The following TIPARP variants were observed in gnomAD, a reference collection of about 807,000 sequenced individuals.
The protein encoded by TIPARP is protein mono-ADP-ribosyltransferase TIPARP.
TIPARP carries 12 observed loss-of-function variants against 56.5 expected under a neutral mutation model. The ratio of observed to expected loss-of-function variants is 0.21; its 90% CI spans 0.14 to 0.34. The LOEUF is 0.34. Ranked by LOEUF, TIPARP falls within the 10% of genes least tolerant of loss-of-function variation. The pLI, the probability that TIPARP is intolerant of heterozygous loss-of-function variation, is 1.00. For missense variants in TIPARP, 604 were observed against 781.6 expected (o/e 0.77, Z 2.71); for synonymous variants, 296 against 265.7 (o/e 1.11, Z -1.11).
chr3:156,676,835 C>T (rs1442727448), intron 1 of TIPARP: 4 of 151,624 alleles, frequency 2.6e-5, no homozygotes, highest in African/African-American at 9.7e-5. Flanking sequence ...TATAGTATGC[C>T]TTCATTTGCT....
intron 5 of TIPARP, 112 bp downstream of exon 5, chr3:156,703,814 C>T: frequency 4.4e-6 from 5 of 1,140,040 alleles, no homozygotes; most frequent in Non-Finnish European, 6.1e-6. Context: ...GAGATCGAGA[C>T]CATCCTAGCT....
At chr3:156,685,850 G>C (rs1320712078) in intron 2 of TIPARP, among the ~76,000 whole-genome samples, 1 of 152,202 alleles carries the variant, frequency 6.6e-6, no homozygotes, top group Non-Finnish European at 1.5e-5. Flanking sequence ...AGTAGTGCAT[G>C]TGCTTTCAGA....
At chr3:156,684,616 G>A (rs1288346982) in intron 2 of TIPARP, among the ~76,000 whole-genome samples, 1 of 152,112 alleles carries the variant, frequency 6.6e-6, no homozygotes. Context: ...TATTTTAGTA[G>A]AGACAGGGTT....
chr3:156,688,318 G>A lies in TIPARP; in HGVS notation c.918-5702G>A, dbSNP rs980677185. ...TTAAGCAAGGGAGTTTGAGGTGGCA[G>A]TGAGCCTAGTTGGCACTATTGTACT... On this transcript the variant is annotated intron_variant, in intron 2 of 5. Transcript: ENST00000295924. Among the ~76,000 whole-genome samples the A allele has an allele frequency of 1.2e-4, 18 of 148,830 alleles. No homozygotes were observed. In the East Asian group the frequency reaches 3.4e-3, roughly 28 times the overall value.
chr3:156,691,895 T>G (rs1260484727), intron 2 of TIPARP, among the ~76,000 whole-genome samples: 2 of 152,180 alleles, frequency 1.3e-5, no homozygotes, highest in Non-Finnish European at 2.9e-5. Flanking sequence ...AACTTCATAA[T>G]GCCCAAAGGA....
At chr3:156,692,444 AAC>A (rs1722599191) in intron 2 of TIPARP, among the ~76,000 whole-genome samples, 1 of 152,124 alleles carries the variant, frequency 6.6e-6, no homozygotes, top group Non-Finnish European at 1.5e-5. Context: ...ATCATTTTAA[AAC>A]AGTGGCCAAA....
Position 156,696,038 on chromosome 3 carries a change from T to C in TIPARP, c.1247+13T>C. The C allele has an allele frequency of 5.0e-6, 8 of 1,599,684 alleles. No individual in the cohort carries two copies. Among genetic ancestry groups the C allele is most frequent in the Non-Finnish European group, 6.8e-6 (8 of 1,176,094 alleles). ...TTCCATATTTACAGTAAGTGTCGAG[T>C]ATGAAGTTGCAATATTTACTCTCAT... On this transcript the variant is annotated intron_variant, in intron 4 of 5. Coordinates refer to ENST00000295924, the MANE Select transcript of TIPARP (RefSeq NM_015508.5).
At chr3:156,684,559 G>A (rs1314796836) in intron 2 of TIPARP, among the ~76,000 whole-genome samples, 3 of 152,122 alleles carry the variant, frequency 2.0e-5, no homozygotes, top group African/African-American at 7.2e-5. Context: ...CAGCCTTCCT[G>A]AGTAGCTGAG....
chr3:156,675,089 C>G (rs1009883927), intron 1 of TIPARP: 1 of 152,284 alleles, frequency 6.6e-6, no homozygotes, highest in Non-Finnish European at 1.5e-5. Context: ...GCCCCTTCCC[C>G]GTTCGTCAGG....
In TIPARP at chr3:156,687,613, A is replaced by C. The variant is rs115556934; in HGVS notation, c.918-6407A>C. Among the ~76,000 whole-genome samples, 846 of 152,290 alleles carry C rather than the reference A, an allele frequency of 5.6e-3. 13 individuals are homozygous for C. The highest frequency in any genetic ancestry group is 0.02 in the African/African-American group (821 of 41,558). On this transcript the variant is annotated intron_variant, in intron 2 of 5. Transcript: ENST00000295924. ...TGTATTCAAATGGCTATGTCTTAGT[A>C]TCAGTGTGTTTTGAGAATAAACTGT...
chr3:156,688,468 TAA>T (rs1450403959), intron 2 of TIPARP, among the ~76,000 whole-genome samples: 1 of 125,328 alleles, frequency 8.0e-6, no homozygotes, highest in Non-Finnish European at 1.7e-5. Context: ...CATTTATGAA[TAA>T]GTTTTATTGC....
intron 2 of TIPARP, among the ~76,000 whole-genome samples, chr3:156,690,972 C>T (rs987971332): frequency 6.6e-6 from 1 of 152,126 alleles, no homozygotes; most frequent in Non-Finnish European, 1.5e-5. Context: ...AACCTTATAT[C>T]TTAAGGCTCT....
At chr3:156,703,333 A>C (rs1023939321) in intron 4 of TIPARP, 91 bp from the exon 5 acceptor site, 1 of 1,308,374 alleles carries the variant, frequency 7.6e-7, no homozygotes, top group African/African-American at 1.5e-5. Context: ...ACAGATTATA[A>C]TATTAAGTAG....
chr3:156,695,202 T>TTTTA (rs58864139), intron 3 of TIPARP, among the ~76,000 whole-genome samples: 84 of 147,026 alleles, frequency 5.7e-4, no homozygotes, highest in East Asian at 1.8e-3. Context: ...CCTTTTCAAA[T>TTTTA]TTTATTTATT....
intron 1 of TIPARP, chr3:156,675,490 T>C (rs1361048175): frequency 6.6e-6 from 1 of 152,348 alleles, no homozygotes; most frequent in Non-Finnish European, 1.5e-5. Context: ...CGAAGGAGGC[T>C]GGACAGGAGT....
At chr3:156,701,170 A>G (rs772482383) in intron 4 of TIPARP, among the ~76,000 whole-genome samples, 2 of 152,218 alleles carry the variant, frequency 1.3e-5, no homozygotes, top group Non-Finnish European at 2.9e-5. Context: ...GTCCAGTTTA[A>G]TATCTTAGAA....
chr3:156,688,482 G>C lies in TIPARP; in HGVS notation c.918-5538G>C, dbSNP rs866782978. 3.1e-3 allele frequency among the ~76,000 whole-genome samples: 433 copies of C among 140,196 alleles called. 3 individuals carry two copies. The highest frequency in any genetic ancestry group is 0.01 in the South Asian group (43 of 4,278). 92.0% of individuals were successfully genotyped at this position (140,196 alleles called of 152,430 possible). A position where few individuals can be genotyped will look rare whatever the true frequency, so the allele number is the denominator to read the frequency against. ...GCATTTATGAATAAGTTTTATTGCCGCCCCCCCCCGCAATAAGTAGCCCTG... is the reference window on the plus strand; with the variant it reads ...GCATTTATGAATAAGTTTTATTGCCCCCCCCCCCCGCAATAAGTAGCCCTG... On this transcript the variant is annotated intron_variant, in intron 2 of 5. Coordinates refer to ENST00000295924, the MANE Select transcript of TIPARP (RefSeq NM_015508.5).
At chr3:156,678,679 A>G in intron 2 of TIPARP, 65 bp downstream of exon 2, 2 of 1,438,752 alleles carry the variant, frequency 1.4e-6, no homozygotes, top group Non-Finnish European at 1.9e-6. Flanking sequence ...AGAAGCTAAA[A>G]GCTTAGTAGG....
chr3:156,680,274 T>C (rs1722261555), intron 2 of TIPARP, among the ~76,000 whole-genome samples: 1 of 152,214 alleles, frequency 6.6e-6, no homozygotes, highest in Admixed American at 6.5e-5. Flanking sequence ...GAAAATCTTA[T>C]AATACAGCTA....
Sources: gnomAD v4.1 joint callset for allele counts (sites outside exome capture counted in the v4.1 genomes callset) on GRCh38, gnomAD v4.1.1 for gene constraint, MANE v1.5 for transcripts, NCBI Gene and HGNC (gene_info 2026-07-23, HGNC 2026-07-21) for gene names.